The following GABRA3 variants were observed in gnomAD, a reference collection of about 807,000 sequenced individuals.
GABRA3 encodes the protein gamma-aminobutyric acid type A receptor subunit alpha3.
Under a neutral mutation model 30.1 loss-of-function variants are expected in GABRA3, and 10 were observed. The ratio of observed to expected loss-of-function variants is 0.33; its 90% CI spans 0.20 to 0.56. The LOEUF (loss-of-function observed/expected upper bound fraction) is 0.56. GABRA3 is among the 20% of genes least tolerant of loss of function. The pLI, the probability that GABRA3 is intolerant of heterozygous loss-of-function variation, is 0.89. For synonymous variants in GABRA3, 151 were observed against 146.8 expected (o/e 1.03, Z -0.21); for missense variants, 233 against 392.0 (o/e 0.59, Z 3.42).
intron 6 of GABRA3, among the ~76,000 whole-genome samples, chrX:152,211,001 T>C (rs955376120): frequency 1.4e-4 from 16 of 111,528 alleles, no homozygotes; most frequent in Non-Finnish European, 3.0e-4. Context: ...GCTCTCATTT[T>C]TCCCCAGAGT....
At chrX:152,422,691 C>T (rs1219155292) in intron 1 of GABRA3, among the ~76,000 whole-genome samples, 2 of 111,015 alleles carry the variant, frequency 1.8e-5, no homozygotes, top group African/African-American at 6.5e-5. Flanking sequence ...ATGTAATGTA[C>T]TTCTAATAAA....
chrX:152,325,674 C>A (rs1371511024), intron 3 of GABRA3, among the ~76,000 whole-genome samples: 1 of 111,955 alleles, frequency 8.9e-6, no homozygotes, highest in African/African-American at 3.2e-5. Context: ...GAAAGGACAT[C>A]CACACCAAAA....
At chrX:152,361,957 C>T (rs756363565) in intron 2 of GABRA3, among the ~76,000 whole-genome samples, 1 of 111,653 alleles carries the variant, frequency 9.0e-6, no homozygotes, top group South Asian at 3.7e-4. Context: ...TATTTAGAAC[C>T]TTCATCTTAT....
chrX:152,427,838 AT>A (rs1930549380), intron 1 of GABRA3, among the ~76,000 whole-genome samples: 1 of 111,889 alleles, frequency 8.9e-6, no homozygotes, highest in Non-Finnish European at 1.9e-5. Flanking sequence ...ATTTGAATTT[AT>A]CTGAGTTCTG....
At chrX:152,224,991 T>C (rs754928833) in intron 5 of GABRA3, 146 bp from the exon 6 acceptor site, 36 of 420,858 alleles carry the variant, frequency 8.6e-5, no homozygotes, top group East Asian at 2.6e-4. Context: ...ACACAAAGGA[T>C]GGATAAAATG....
rs375706561 is a variant in GABRA3, at chrX:152,256,374, C to T, written c.331-376G>A. ...CTACTGCTTAATGACCCCATATGAA[C>T]ATCAAAGGCCAATATAAAAATCGCC... On this transcript the variant is annotated intron_variant, in intron 4 of 9. Coordinates refer to ENST00000370314, the MANE Select transcript of GABRA3 (RefSeq NM_000808.4). Among the ~76,000 whole-genome samples the T allele has an allele frequency of 2.5e-3, 282 of 111,025 alleles. 2 individuals carry two copies. The highest frequency in any genetic ancestry group is 8.9e-3 in the African/African-American group (271 of 30,581).
At position 152,168,485 on chromosome X, in the gene GABRA3, C is replaced by A. The variant is rs757929750; in HGVS notation, c.1222G>T (p.Ala408Ser). Residue 408 changes from alanine to serine, a missense_variant, in exon 10 of 10, where the codon GCC becomes TCC. Physicochemically the swap from Ala to Ser is moderately conservative, Grantham distance 99. Coordinates refer to ENST00000370314, the MANE Select transcript of GABRA3 (RefSeq NM_000808.4). ...ATGGTGGAAAATTCAGTGTCCTTGG[C>A]CAGGTTGATGGGATAGGTGGTCCCC... is the stretch of plus-strand genomic sequence containing the variant. ...IVGTTYPINL[A>S]KDTEFSTISK... The A allele has an allele frequency of 1.7e-6, 2 of 1,209,097 alleles. No homozygotes were observed. The highest frequency in any genetic ancestry group is 3.5e-5 in the African/African-American group (2 of 57,061).
chrX:152,377,150 T>A (rs1189353048), intron 1 of GABRA3, among the ~76,000 whole-genome samples: 4 of 111,419 alleles, frequency 3.6e-5, no homozygotes, highest in African/African-American at 1.3e-4. Context: ...TTTAGAAACC[T>A]AGGGGCTGAA....
intron 1 of GABRA3, among the ~76,000 whole-genome samples, chrX:152,369,546 C>A (rs1036789460): frequency 9.0e-6 from 1 of 111,028 alleles, no homozygotes; most frequent in Non-Finnish European, 1.9e-5. Flanking sequence ...CACCTGCTAT[C>A]CCCTCTACCT....
intron 5 of GABRA3, among the ~76,000 whole-genome samples, chrX:152,252,230 C>CCACTCTATT (rs1276368814): frequency 8.9e-6 from 1 of 111,839 alleles, no homozygotes; most frequent in Non-Finnish European, 1.9e-5. Flanking sequence ...ATTGCACTAG[C>CCACTCTATT]CACTCTATTG....
At chrX:152,295,546 G>A (rs760126244) in intron 3 of GABRA3, among the ~76,000 whole-genome samples, 72 of 113,027 alleles carry the variant, frequency 6.4e-4, no homozygotes, top group African/African-American at 1.5e-3. Context: ...TGCTAAGACC[G>A]TTGGAAAAGC....
chrX:152,210,175 GT>G (rs926717711), intron 6 of GABRA3, among the ~76,000 whole-genome samples: 2 of 111,590 alleles, frequency 1.8e-5, no homozygotes, highest in African/African-American at 6.5e-5. Flanking sequence ...ATAAATCATA[GT>G]TTTTTGTAAT....
intron 6 of GABRA3, among the ~76,000 whole-genome samples, chrX:152,213,157 A>G (rs1227216257): frequency 8.9e-6 from 1 of 112,193 alleles, no homozygotes; most frequent in African/African-American, 3.2e-5. Flanking sequence ...GACCCCAGGA[A>G]AAAAGGAAGT....
At chrX:152,338,849 G>A (rs1290387251) in intron 3 of GABRA3, among the ~76,000 whole-genome samples, 1 of 110,500 alleles carries the variant, frequency 9.0e-6, no homozygotes, top group African/African-American at 3.3e-5. Flanking sequence ...GTAAACATGT[G>A]GATTTATATG....
intron 3 of GABRA3, among the ~76,000 whole-genome samples, chrX:152,341,282 T>A (rs938067128): frequency 2.7e-5 from 3 of 111,524 alleles, no homozygotes; most frequent in Non-Finnish European, 3.8e-5. Flanking sequence ...CATTGGTTGA[T>A]GGGCACTTAG....
At chrX:152,188,556 T>A (rs993546683) in intron 9 of GABRA3, among the ~76,000 whole-genome samples, 1 of 110,736 alleles carries the variant, frequency 9.0e-6, no homozygotes, top group Middle Eastern at 4.2e-3. Flanking sequence ...GGAATAAATA[T>A]ATTTTAAGGG....
intron 3 of GABRA3, among the ~76,000 whole-genome samples, chrX:152,310,446 T>C: frequency 9.0e-6 from 1 of 111,686 alleles, no homozygotes; most frequent in East Asian, 2.8e-4. Context: ...TAGATCACAG[T>C]GCAATAAAAA....
chrX:152,178,603 A>C (rs1326522150), intron 9 of GABRA3, among the ~76,000 whole-genome samples: 2 of 112,163 alleles, frequency 1.8e-5, no homozygotes, highest in African/African-American at 6.5e-5. Flanking sequence ...TTTTTTGCAA[A>C]ATTTATACAA....
At chrX:152,182,784 A>ATATATATACAG (rs1937200436) in intron 9 of GABRA3, among the ~76,000 whole-genome samples, 9 of 69,754 alleles carry the variant, frequency 1.3e-4, no homozygotes, top group Non-Finnish European at 2.2e-4. Flanking sequence ...TATATACAGT[A>ATATATATACAG]TATATATACT....
Sources: gnomAD v4.1 joint callset for allele counts (sites outside exome capture counted in the v4.1 genomes callset) on GRCh38, gnomAD v4.1.1 for gene constraint, MANE v1.5 for transcripts, NCBI Gene and HGNC (gene_info 2026-07-23, HGNC 2026-07-21) for gene names.